Variants in ADGRB3 observed in about 807,000 individuals in gnomAD.
ADGRB3 encodes adhesion G protein-coupled receptor B3.
ADGRB3 carries 37 observed loss-of-function variants against 193.4 expected under a neutral mutation model. The observed-to-expected ratio is 0.19, with a 90% CI of 0.15 to 0.25. The LOEUF is 0.25. ADGRB3 is among the 10% of genes least tolerant of loss of function. ADGRB3 has a pLI of 1.00. For missense variants in ADGRB3, 1,637 were observed against 1,852.9 expected, an observed-to-expected ratio of 0.88 and a Z score of 2.14; for synonymous variants, 690 against 644.2, an observed-to-expected ratio of 1.07 and a Z score of -1.08.
Position 68,792,800 on chromosome 6 carries a change from C to T in ADGRB3, c.758-137759C>T, listed in dbSNP as rs571592156. On this transcript the variant is annotated intron_variant, in intron 3 of 31. Transcript: ENST00000370598. ...TATCAACAGTAAACAGCCTTCCCGC[C>T]GATGTCCCCAACTCTTATACTTCAG... 2.0e-5 allele frequency among the ~76,000 whole-genome samples: 3 copies of T among 152,082 alleles called. No homozygotes were observed. In the South Asian group the frequency reaches 6.2e-4, roughly 32 times the overall value.
intron 3 of ADGRB3, among the ~76,000 whole-genome samples, chr6:68,674,320 A>G (rs1769032767): frequency 6.6e-6 from 1 of 152,190 alleles, no homozygotes; most frequent in Admixed American, 6.5e-5. Context: ...AAAATTTTAG[A>G]CGGCATGAAA....
chr6:69,382,662 T>A (rs985862333), intron 30 of ADGRB3, among the ~76,000 whole-genome samples, 169 bp from the exon 31 acceptor site: 1 of 151,904 alleles, frequency 6.6e-6, no homozygotes, highest in Admixed American at 6.6e-5. Flanking sequence ...AAGTGCTGAA[T>A]ATGAGACAAT....
At chr6:68,724,849 C>T (rs1384777285) in intron 3 of ADGRB3, among the ~76,000 whole-genome samples, 1 of 151,660 alleles carries the variant, frequency 6.6e-6, no homozygotes, top group African/African-American at 2.4e-5. Context: ...GAGAGCAAGA[C>T]ATGGTCTGTG....
At chr6:68,801,790 TC>T (rs1464577744) in intron 3 of ADGRB3, among the ~76,000 whole-genome samples, 2 of 151,910 alleles carry the variant, frequency 1.3e-5, no homozygotes, top group Admixed American at 6.6e-5. Context: ...AAATGGAAAC[TC>T]CTATGAAATG....
intron 17 of ADGRB3, among the ~76,000 whole-genome samples, chr6:69,146,395 G>A (rs766583848): frequency 2.0e-5 from 3 of 152,260 alleles, no homozygotes; most frequent in Non-Finnish European, 4.4e-5. Flanking sequence ...GAAGGCAGAA[G>A]GCCTTCCTGG....
At chr6:69,351,086 C>A (rs181537189) in intron 26 of ADGRB3, among the ~76,000 whole-genome samples, 9 of 138,512 alleles carry the variant, frequency 6.5e-5, no homozygotes, top group Admixed American at 3.9e-4. Context: ...CATCCAGATT[C>A]CCTAGATACT....
At chr6:68,772,878 CAAACAAAAAAA>C (rs1344379375) in intron 3 of ADGRB3, among the ~76,000 whole-genome samples, 1 of 15,710 alleles carries the variant, frequency 6.4e-5, no homozygotes, top group Non-Finnish European at 1.3e-4. Flanking sequence ...AACAAACAAA[CAAACAAAAAAA>C]AAAAAATATA....
Position 68,989,454 on chromosome 6 carries a change from T to A in ADGRB3, c.1735-4314T>A, listed in dbSNP as rs183146157. Among the ~76,000 whole-genome samples the A allele has an allele frequency of 3.3e-5, 5 of 152,272 alleles. No individual in the cohort carries two copies. The East Asian group carries it at 7.7e-4, about 24-fold the overall frequency. ...TAAGTACTGAAGACCTATACCAGGA[T>A]CCATCTCGTGTCTATAGGAAAAGGA... On this transcript the variant is annotated intron_variant, in intron 10 of 31. Coordinates refer to ENST00000370598, the MANE Select transcript of ADGRB3 (RefSeq NM_001704.3).
At chr6:69,029,040 AT>A (rs911543639) in intron 13 of ADGRB3, among the ~76,000 whole-genome samples, 58 of 152,082 alleles carry the variant, frequency 3.8e-4, no homozygotes, top group African/African-American at 1.1e-3. Flanking sequence ...GAGTGGGTGC[AT>A]TTTTTTCCCC....
At chr6:69,191,455 G>T (rs1004719547) in intron 17 of ADGRB3, among the ~76,000 whole-genome samples, 2 of 151,976 alleles carry the variant, frequency 1.3e-5, no homozygotes, top group African/African-American at 4.8e-5. Flanking sequence ...ATTCACTTCT[G>T]ATATAGTGAA....
chr6:69,274,097 G>C (rs1767239410), intron 20 of ADGRB3, among the ~76,000 whole-genome samples: 1 of 152,074 alleles, frequency 6.6e-6, no homozygotes, highest in Non-Finnish European at 1.5e-5. Context: ...AGCTGAAATA[G>C]GCATTTTGAG....
intron 3 of ADGRB3, among the ~76,000 whole-genome samples, chr6:68,792,983 TTGTC>T (rs747920960): frequency 5.3e-5 from 8 of 152,310 alleles, no homozygotes; most frequent in African/African-American, 1.4e-4. Flanking sequence ...TACTGTTTGT[TTGTC>T]TGTTTTTTCG....
At chr6:69,318,549 C>T (rs761916464) in intron 20 of ADGRB3, among the ~76,000 whole-genome samples, 3 of 151,240 alleles carry the variant, frequency 2.0e-5, no homozygotes, top group Non-Finnish European at 4.4e-5. Flanking sequence ...ATTTCGATAT[C>T]AATGTCATGC....
chr6:69,231,305 A>C (rs986592025), intron 17 of ADGRB3, among the ~76,000 whole-genome samples: 1 of 152,240 alleles, frequency 6.6e-6, no homozygotes, highest in Admixed American at 6.5e-5. Flanking sequence ...ACTTTGTCTC[A>C]TAAGAGACTT....
intron 8 of ADGRB3, among the ~76,000 whole-genome samples, chr6:68,970,290 C>CTT (rs532241709): frequency 1.2e-4 from 17 of 144,682 alleles, no homozygotes; most frequent in African/African-American, 4.0e-4. Flanking sequence ...TTTCTTCTTT[C>CTT]TTTTTTTTTT....
intron 17 of ADGRB3, among the ~76,000 whole-genome samples, chr6:69,165,795 A>T (rs1775116020): frequency 6.6e-6 from 1 of 152,024 alleles, no homozygotes. Flanking sequence ...CACTGTTCTA[A>T]CCATTTTATA....
chr6:69,183,139 A>C (rs1360615409), intron 17 of ADGRB3, among the ~76,000 whole-genome samples: 1 of 152,096 alleles, frequency 6.6e-6, no homozygotes, highest in South Asian at 2.1e-4. Flanking sequence ...TTTAATTTTT[A>C]CATTTTTTTC....
intron 17 of ADGRB3, among the ~76,000 whole-genome samples, chr6:69,206,604 C>T (rs1366379798): frequency 6.6e-6 from 1 of 152,126 alleles, no homozygotes; most frequent in Non-Finnish European, 1.5e-5. Context: ...CAATCCCCAA[C>T]TCAAATATTA....
chr6:68,749,408 A>ATATGTATGTG (rs540892508), intron 3 of ADGRB3, among the ~76,000 whole-genome samples: 1 of 136,490 alleles, frequency 7.3e-6, no homozygotes, highest in South Asian at 2.4e-4. Flanking sequence ...ATATATATAT[A>ATATGTATGTG]TGTGTGTGTG....
Sources: allele counts gnomAD v4.1 joint callset (sites outside exome capture counted in the v4.1 genomes callset), GRCh38; gene constraint gnomAD v4.1.1; transcripts MANE v1.5; gene names NCBI Gene and HGNC (gene_info 2026-07-23, HGNC 2026-07-21).